Variants in UMAD1 observed in about 807,000 individuals in gnomAD.
UMAD1 encodes UBAP1-MVB12-associated (UMA) domain containing 1, also known as UBAP1-MVB12-associated (UMA)-domain containing protein 1.
Under a neutral mutation model 6.1 loss-of-function variants are expected in UMAD1, and 8 were observed. The ratio of observed to expected loss-of-function variants is 1.30; its 90% CI spans 0.76 to 2.35. UMAD1 has a LOEUF of 2.35. Among genes scored for constraint, UMAD1 ranks in the 30% most tolerant of loss-of-function variants. The pLI is 0.00. For synonymous variants in UMAD1, 56 were observed against 31.4 expected (o/e 1.78, Z -2.61); for missense variants, 130 against 78.4 (o/e 1.66, Z -2.49).
chr7:7,732,597 C>A (rs1781279131), intron 2 of UMAD1, among the ~76,000 whole-genome samples: 1 of 152,162 alleles, frequency 6.6e-6, no homozygotes, highest in African/African-American at 2.4e-5. Flanking sequence ...GGTGATCCAA[C>A]ATTCAGTCTG....
chr7:7,782,734 CTT>C (rs777169882), intron 2 of UMAD1, among the ~76,000 whole-genome samples: 4,873 of 127,046 alleles, frequency 0.038, 194 homozygotes, highest in African/African-American at 0.14. Context: ...TAACCTCTCT[CTT>C]TTTTTTTTTT....
intron 3 of UMAD1, among the ~76,000 whole-genome samples, chr7:7,860,713 T>G (rs1784099810): frequency 6.7e-6 from 1 of 150,002 alleles, no homozygotes; most frequent in African/African-American, 2.4e-5. Context: ...AGGCGGAGCT[T>G]GCAGTGAGCC....
intron 1 of UMAD1, 26 bp from the exon 2 acceptor site, chr7:7,673,283 G>A: frequency 8.8e-7 from 1 of 1,137,814 alleles, no homozygotes; most frequent in Admixed American, 2.0e-5. Flanking sequence ...ATCTGAATTT[G>A]ACATTGTGTA....
At chr7:7,680,078 G>T (rs1221333193) in intron 2 of UMAD1, among the ~76,000 whole-genome samples, 2 of 151,954 alleles carry the variant, frequency 1.3e-5, no homozygotes, top group Non-Finnish European at 2.9e-5. Flanking sequence ...TGCTTTGGTT[G>T]CCTGTGCTTG....
intron 3 of UMAD1, among the ~76,000 whole-genome samples, chr7:7,850,174 A>G (rs1166630431): frequency 1.3e-5 from 2 of 152,276 alleles, no homozygotes; most frequent in East Asian, 3.9e-4. Flanking sequence ...ATCTATCCCC[A>G]TGACATTTTT....
chr7:7,660,104 C>T (rs1409912729), intron 1 of UMAD1, among the ~76,000 whole-genome samples: 1 of 152,180 alleles, frequency 6.6e-6, no homozygotes, highest in Admixed American at 6.5e-5. Context: ...TCTGTTTTAT[C>T]AGAGACTACG....
chr7:7,729,157 CT>C (rs1349766679), intron 2 of UMAD1, among the ~76,000 whole-genome samples: 1 of 152,120 alleles, frequency 6.6e-6, no homozygotes, highest in Non-Finnish European at 1.5e-5. Context: ...TGTTTAATGG[CT>C]GTTTGGTGGG....
chr7:7,784,450 C>T (rs985231688), intron 2 of UMAD1, among the ~76,000 whole-genome samples: 20 of 151,472 alleles, frequency 1.3e-4, no homozygotes, highest in African/African-American at 4.9e-4. Flanking sequence ...CTTCTCCTGC[C>T]TCAGCCTCCC....
intron 1 of UMAD1, among the ~76,000 whole-genome samples, chr7:7,672,075 T>G (rs1479207625): frequency 6.6e-6 from 1 of 152,214 alleles, no homozygotes; most frequent in Non-Finnish European, 1.5e-5. Flanking sequence ...CAGTATAATT[T>G]TCAGTTGCTA....
intron 2 of UMAD1, among the ~76,000 whole-genome samples, chr7:7,789,892 A>C (rs1394634481): frequency 6.6e-6 from 1 of 152,136 alleles, no homozygotes; most frequent in Non-Finnish European, 1.5e-5. Flanking sequence ...GCCATCGTGC[A>C]TGGTGCTACT....
At chr7:7,844,602 A>G (rs955807698) in intron 3 of UMAD1, among the ~76,000 whole-genome samples, 1 of 152,168 alleles carries the variant, frequency 6.6e-6, no homozygotes. Flanking sequence ...CACCTAACAC[A>G]TGATTATCTG....
chr7:7,692,979 C>T (rs546872516), intron 2 of UMAD1, among the ~76,000 whole-genome samples: 2 of 152,216 alleles, frequency 1.3e-5, no homozygotes, highest in Admixed American at 6.5e-5. Flanking sequence ...TCTAAAATAG[C>T]TGTAGGAGGA....
At chr7:7,742,401 T>C (rs963671473) in intron 2 of UMAD1, 2 of 584,752 alleles carry the variant, frequency 3.4e-6, no homozygotes, top group African/African-American at 3.7e-5. Context: ...CGCAGTGTCT[T>C]GGGCTGCTGG....
intron 2 of UMAD1, among the ~76,000 whole-genome samples, chr7:7,695,978 T>A (rs1780304954): frequency 2.2e-5 from 3 of 133,430 alleles, no homozygotes; most frequent in Non-Finnish European, 4.7e-5. Context: ...TGTGTATATC[T>A]CCGTTTTTTT....
At chr7:7,676,462 C>A (rs117893829) in intron 2 of UMAD1, among the ~76,000 whole-genome samples, 38 of 152,230 alleles carry the variant, frequency 2.5e-4, no homozygotes, top group Non-Finnish European at 5.0e-4. Context: ...TCCTCTAAAC[C>A]ACTGAACTAT....
intron 3 of UMAD1, among the ~76,000 whole-genome samples, chr7:7,857,260 C>T (rs907339473): frequency 1.3e-5 from 2 of 152,200 alleles, no homozygotes; most frequent in African/African-American, 4.8e-5. Flanking sequence ...GAGTTTACAA[C>T]TATATTCAGT....
At chr7:7,715,347 T>C (rs1307542928) in intron 2 of UMAD1, 3 of 152,228 alleles carry the variant, frequency 2.0e-5, no homozygotes, top group Admixed American at 2.0e-4. Context: ...ATAGACCTTA[T>C]AGCTAGCTGT....
intron 2 of UMAD1, among the ~76,000 whole-genome samples, chr7:7,762,100 G>T (rs1223880628): frequency 6.6e-6 from 1 of 152,146 alleles, no homozygotes; most frequent in African/African-American, 2.4e-5. Context: ...ACAGTTCCTT[G>T]TTTCGGGATG....
In UMAD1 at chr7:7,652,204, T is replaced by A. The variant is rs1356517056; in HGVS notation, c.-64+11383T>A. On this transcript the variant is annotated intron_variant, in intron 1 of 3. Transcript: ENST00000682710. ...TGTGGTTCATGCTCCTGTTTTACATTGCTCGTTTGCTCACTTGGCCATTTA... is the reference window on the plus strand; with the variant it reads ...TGTGGTTCATGCTCCTGTTTTACATAGCTCGTTTGCTCACTTGGCCATTTA... Among the ~76,000 whole-genome samples, 3 of 152,240 alleles carry A rather than the reference T, an allele frequency of 2.0e-5. 1 individual carries two copies. The highest frequency in any genetic ancestry group is 4.4e-5 in the Non-Finnish European group (3 of 68,048).
Sources: gnomAD v4.1 joint callset for allele counts (sites outside exome capture counted in the v4.1 genomes callset) on GRCh38, gnomAD v4.1.1 for gene constraint, MANE v1.5 for transcripts, NCBI Gene and HGNC (gene_info 2026-07-23, HGNC 2026-07-21) for gene names.